The following FAM149A variants were observed in gnomAD, a reference collection of about 807,000 sequenced individuals.
FAM149A encodes family with sequence similarity 149 member A.
Under a neutral mutation model 78.2 loss-of-function variants are expected in FAM149A, and 71 were observed. The ratio of observed to expected loss-of-function variants is 0.91; its 90% CI spans 0.75 to 1.11. The LOEUF (loss-of-function observed/expected upper bound fraction) is 1.11. Among genes scored for constraint, FAM149A ranks in the 50% least tolerant of loss-of-function variants. The pLI, the probability that FAM149A is intolerant of heterozygous loss-of-function variation, is 0.00. For synonymous variants in FAM149A, 446 were observed against 410.5 expected, an observed-to-expected ratio of 1.09 and a Z score of -1.04; for missense variants, 1,036 against 971.0, an observed-to-expected ratio of 1.07 and a Z score of -0.89.
intron 1 of FAM149A, chr4:186,126,104 T>G (rs914857768): frequency 7.1e-6 from 7 of 985,318 alleles, no homozygotes; most frequent in Non-Finnish European, 8.4e-6. Flanking sequence ...TGAAAATTAT[T>G]TCCACAAAAT....
At chr4:186,149,309 A>G in intron 2 of FAM149A, 26 bp downstream of exon 2, 1 of 1,273,276 alleles carries the variant, frequency 7.9e-7, no homozygotes, top group South Asian at 1.3e-5. Context: ...GCTTCAGATT[A>G]CAAAATCACA....
intron 3 of FAM149A, among the ~76,000 whole-genome samples, chr4:186,150,567 C>CCG (rs1161929153): frequency 2.0e-4 from 15 of 75,400 alleles, no homozygotes; most frequent in Admixed American, 1.7e-3. Context: ...CCACAGGCGC[C>CCG]CACCACCACG....
intron 1 of FAM149A, chr4:186,123,212 G>C (rs2099316846): frequency 3.0e-6 from 3 of 985,202 alleles, no homozygotes; most frequent in Non-Finnish European, 3.6e-6. Context: ...AGTTTTCAAA[G>C]GATGTCCAAA....
chr4:186,117,059 A>G (rs992140234), intron 1 of FAM149A, among the ~76,000 whole-genome samples: 1 of 152,050 alleles, frequency 6.6e-6, no homozygotes, highest in Admixed American at 6.6e-5. Flanking sequence ...TCTCATTCAT[A>G]AAATGGGAAT....
chr4:186,136,976 T>TCTCTCTCTC (rs2099323291), intron 1 of FAM149A, among the ~76,000 whole-genome samples: 4 of 72,114 alleles, frequency 5.5e-5, no homozygotes, highest in African/African-American at 1.2e-4. Context: ...CTCTCTCTCT[T>TCTCTCTCTC]TCTCTCTCTC....
In FAM149A at chr4:186,156,142, G is replaced by C. The variant is rs1561409698; in HGVS notation, c.1372G>C (p.Glu458Gln). The C allele has an allele frequency of 6.2e-7, 1 of 1,613,618 alleles. No homozygotes were observed. The highest frequency in any genetic ancestry group is 8.5e-7 in the Non-Finnish European group (1 of 1,179,820). ...TGATCACGTCTGGACAAATATGGTA[G>C]AACTTTTGGAAGAGCTGATTAGAAA... Residue 458 changes from glutamate to glutamine, a missense_variant, in exon 7 of 14, where the codon GAA (glutamate) becomes CAA (glutamine). Coordinates refer to ENST00000389354, the MANE Select transcript of FAM149A (RefSeq NM_001367768.3).
intron 1 of FAM149A, chr4:186,117,591 C>G (rs2099314282): frequency 1.0e-6 from 1 of 985,404 alleles, no homozygotes. Flanking sequence ...GTGAGCAAAG[C>G]CGTGGAGGCC....
intron 1 of FAM149A, among the ~76,000 whole-genome samples, chr4:186,147,779 A>G (rs1002583284): frequency 2.0e-5 from 3 of 152,222 alleles, no homozygotes; most frequent in African/African-American, 7.2e-5. Flanking sequence ...AGAAATAATT[A>G]ATGGCTTGAA....
At chr4:186,130,263 A>ATCTCTCTCTCCCTCTCTC (rs1554068049) in intron 1 of FAM149A, 1 of 67,098 alleles carries the variant, frequency 1.5e-5, no homozygotes, top group African/African-American at 5.3e-5. Flanking sequence ...ACTTTATGAA[A>ATCTCTCTCTCCCTCTCTC]TCTCTCTCTC....
rs148004477 is a variant in FAM149A at position 186,116,361 on chromosome 4, A to G, written c.566+10719A>G. ...GCAGAAATCACCCGTCTTCTGTGTC[A>G]CTCACGCTGGGAGCTGTAGACCGGA... On this transcript the variant is annotated intron_variant, in intron 1 of 13. Coordinates refer to ENST00000389354, the MANE Select transcript of FAM149A (RefSeq NM_001367768.3). The G allele has an allele frequency of 5.1e-4, 255 of 499,348 alleles. 3 individuals are homozygous for G. The highest frequency in any genetic ancestry group is 3.5e-3 in the Admixed American group (55 of 15,534). 30.9% of individuals were successfully genotyped at this position (499,348 alleles called of 1,614,324 possible). A position where few individuals can be genotyped will look rare whatever the true frequency, so the allele number is the denominator to read the frequency against.
chr4:186,106,062 C>T (rs555979158), intron 1 of FAM149A, among the ~76,000 whole-genome samples: 3 of 152,324 alleles, frequency 2.0e-5, no homozygotes, highest in Non-Finnish European at 4.4e-5. Context: ...AGACCTGGTG[C>T]TTTCCTAATG....
intron 1 of FAM149A, chr4:186,126,147 C>G: frequency 4.2e-6 from 4 of 958,508 alleles, no homozygotes; most frequent in Non-Finnish European, 5.0e-6. Flanking sequence ...ATCACTTGCC[C>G]TGTCCATACT....
At position 186,104,928 on chromosome 4, in the gene FAM149A, CGTCCTCGGGGAGGAGAGG is replaced by C; in HGVS notation, c.-147_-130del. 1 of 1,134,870 alleles carries C rather than the reference CGTCCTCGGGGAGGAGAGG, an allele frequency of 8.8e-7. No homozygotes were observed. Among genetic ancestry groups the C allele is most frequent in the Non-Finnish European group, 1.1e-6 (1 of 916,786 alleles). 70.3% of individuals were successfully genotyped at this position (1,134,870 alleles called of 1,614,324 possible). A position where few individuals can be genotyped will look rare whatever the true frequency, so the allele number is the denominator to read the frequency against. On this transcript the variant is annotated 5_prime_UTR_variant, in exon 1 of 14. Transcript: ENST00000389354. ...GCGACCCCAGCGGCGCGGAGCTGAG[CGTCCTCGGGGAGGAGAGG>C]GAGCCAGGGGCCTCCGGGGCTCCGG...
chr4:186,121,854 C>T (rs2099316199), intron 1 of FAM149A, among the ~76,000 whole-genome samples: 1 of 152,198 alleles, frequency 6.6e-6, no homozygotes, highest in Non-Finnish European at 1.5e-5. Flanking sequence ...TTGATGAATA[C>T]ATTTGGCTCT....
chr4:186,117,471 A>G (rs2099314222), intron 1 of FAM149A: 1 of 985,256 alleles, frequency 1.0e-6, no homozygotes, highest in Admixed American at 6.2e-5. Flanking sequence ...AGGCGCGGAG[A>G]TGATGCTGAA....
At chr4:186,139,079 C>T (rs1436866979) in intron 1 of FAM149A, among the ~76,000 whole-genome samples, 2 of 152,068 alleles carry the variant, frequency 1.3e-5, no homozygotes. Flanking sequence ...AGTTATAATC[C>T]GATAGCACAT....
At chr4:186,127,854 T>A (rs1319338519) in intron 1 of FAM149A, 3 of 186,288 alleles carry the variant, frequency 1.6e-5, no homozygotes, top group Non-Finnish European at 3.0e-5. Flanking sequence ...CCCAGCTAAT[T>A]TTTTTGTATT....
chr4:186,106,827 G>A (rs1433424395), intron 1 of FAM149A, among the ~76,000 whole-genome samples: 1 of 152,040 alleles, frequency 6.6e-6, no homozygotes, highest in Non-Finnish European at 1.5e-5. Context: ...CGTGCCTGTA[G>A]TCCCAGCTAC....
In FAM149A at chr4:186,105,317, G is replaced by A. The variant is rs1023253545; in HGVS notation, c.241G>A (p.Gly81Ser). 2.1e-5 allele frequency: 24 copies of A among 1,169,392 alleles called. No homozygotes were observed. Among genetic ancestry groups the A allele is most frequent in the Non-Finnish European group, 2.3e-5 (22 of 940,112 alleles). The allele number at this position is 1,169,392 out of a possible 1,614,324, so 72.4% of individuals were successfully genotyped here. ...GCTGCTCTCCTCCCCCTACTCCCGG[G>A]GCTCCGCCGCCAGCCGCGCCGCGGG... is the stretch of plus-strand genomic sequence containing the variant. The change falls in exon 1 of 14, where the codon GGC becomes AGC. Residue 81 changes from glycine (G) to serine (S), a missense_variant. By Grantham distance (56) the Gly-to-Ser change is moderately conservative. Coordinates refer to ENST00000389354, the MANE Select transcript of FAM149A (RefSeq NM_001367768.3).
Sources: allele counts gnomAD v4.1 joint callset (sites outside exome capture counted in the v4.1 genomes callset), GRCh38; gene constraint gnomAD v4.1.1; transcripts MANE v1.5; gene names NCBI Gene and HGNC (gene_info 2026-07-23, HGNC 2026-07-21).